Variants in CIT observed in about 807,000 individuals in gnomAD.
CIT encodes citron rho-interacting serine/threonine kinase, also known as citron Rho-interacting kinase.
CIT carries 79 observed loss-of-function variants against 272.7 expected under a neutral mutation model. The observed-to-expected ratio is 0.29, with a 90% confidence interval of 0.24 to 0.35. The LOEUF (loss-of-function observed/expected upper bound fraction) is 0.35. CIT is among the 10% of genes least tolerant of loss of function. The probability of loss-of-function intolerance (pLI) is 1.00; values close to 1 mark genes in which losing one functional copy is unlikely to be tolerated. For synonymous variants in CIT, 948 were observed against 995.6 expected, an observed-to-expected ratio of 0.95 and a Z score of 0.90; for missense variants, 1,909 against 2,618.3, an observed-to-expected ratio of 0.73 and a Z score of 5.91.
chr12:119,711,281 G>A (rs75649867), intron 37 of CIT, among the ~76,000 whole-genome samples: 3,554 of 152,284 alleles, frequency 0.023, 65 homozygotes, highest in African/African-American at 0.047. Flanking sequence ...TTTGGTCTTC[G>A]CTGGAGCAAA....
intron 3 of CIT, among the ~76,000 whole-genome samples, chr12:119,858,761 G>T (rs1021666978): frequency 3.3e-5 from 5 of 151,750 alleles, no homozygotes; most frequent in Non-Finnish European, 5.9e-5. Flanking sequence ...GACAGAGCTT[G>T]CAGTGAGCCG....
chr12:119,712,659 A>T lies in CIT; in HGVS notation c.4616T>A (p.Leu1539His). 1 of 1,614,184 alleles carries T rather than the reference A, an allele frequency of 6.2e-7. No individual in the cohort carries two copies. The highest frequency in any genetic ancestry group is 8.5e-7 in the Non-Finnish European group (1 of 1,180,022). The change falls in exon 36 of 48, where the codon CTT becomes CAT. Residue 1539 changes from leucine to histidine, a missense_variant. By Grantham distance (99) the Leu-to-His change is moderately conservative (BLOSUM62 -3). Around this residue, in one of 8 missense-constraint regions of CIT, gnomAD observed 780 missense variants for 1,067.2 expected, o/e 0.73. Transcript: ENST00000392521. The surrounding 1 kb of genome is among the most constrained non-coding windows in gnomAD (Gnocchi z 5.2). The stretch of plus-strand genomic sequence containing the variant: ...ATGAATAGATACATCCCCGTCGGGA[A>T]GGCACAGCTCAAATTCTTCCACCGG... ...QRPVEEFELC[L>H]PDGDVSIHGA...
intron 5 of CIT, among the ~76,000 whole-genome samples, chr12:119,839,272 G>A (rs1004711962): frequency 9.2e-5 from 14 of 152,194 alleles, no homozygotes; most frequent in African/African-American, 3.4e-4. Flanking sequence ...CCACGTGCAT[G>A]CTTGCATATG....
In CIT at chr12:119,701,875, G is replaced by A. The variant is rs766838097; in HGVS notation, c.5388C>T (p.Ile1796=). The change falls in exon 42 of 48, where the codon ATC becomes ATT. Residue 1796 remains isoleucine (I), a synonymous_variant. Transcript: ENST00000392521. ...CCTCGAGCGTGTACTGCTTCATGTC[G>A]ATTTCGTAGAATTTATTGGTTCCAA... The part of the protein sequence containing the change: ...ILIGTNKFYE[I]DMKQYTLEEF... 22 of 1,614,084 alleles carry A rather than the reference G, an allele frequency of 1.4e-5. No homozygotes were observed. Among genetic ancestry groups the A allele is most frequent in the South Asian group, 5.5e-5 (5 of 91,076 alleles).
At chr12:119,786,601 C>T (rs1964816240) in intron 10 of CIT, among the ~76,000 whole-genome samples, 1 of 152,236 alleles carries the variant, frequency 6.6e-6, no homozygotes, top group Non-Finnish European at 1.5e-5. Context: ...AGCTGGTTGT[C>T]AGTGACCACT....
rs1031366918 is a variant in CIT, at chr12:119,710,953, T to C, written c.4855-333A>G. The C allele has an allele frequency of 4.8e-6, 5 of 1,042,300 alleles. No homozygotes were observed. In the Admixed American group the frequency reaches 7.8e-5, roughly 16 times the overall value. 64.6% of individuals were successfully genotyped at this position (1,042,300 alleles called of 1,614,324 possible). A position where few individuals can be genotyped will look rare whatever the true frequency, so the allele number is the denominator to read the frequency against. On this transcript the variant is annotated intron_variant, in intron 37 of 47. Coordinates refer to ENST00000392521, the MANE Select transcript of CIT (RefSeq NM_001206999.2). The surrounding 1 kb of genome is among the most constrained non-coding windows in gnomAD (Gnocchi z 5.6). ...GGAGATTTCACCTGCGCAGGGTTAA[T>C]AAGACACATGAAAGACTCCTTCCCC...
intron 19 of CIT, among the ~76,000 whole-genome samples, chr12:119,761,936 C>A (rs902982364): frequency 1.3e-5 from 2 of 152,162 alleles, no homozygotes; most frequent in African/African-American, 4.8e-5. Context: ...AAAAAGAAGA[C>A]GACATCAGAA....
rs1950595583 is a variant in CIT, at chr12:119,869,144, A to C, written c.154T>G (p.Leu52Val). Reference protein sequence around the residue: ...QMSPLSREGILDALFVLFEEC... With the variant: ...QMSPLSREGIVDALFVLFEEC... The stretch of plus-strand genomic sequence containing the variant: ...TCAAAGAGAACAAAGAGGGCATCTA[A>C]TATCCCTTCTCGGGAAAGAGGAGAC... The change falls in exon 3 of 48, where the codon TTA (leucine) becomes GTA (valine). Residue 52 changes from leucine to valine, a missense_variant. Around this residue, in one of 8 missense-constraint regions of CIT, gnomAD observed 529 missense variants for 549.6 expected, o/e 0.96. Transcript: ENST00000392521. The C allele has an allele frequency of 6.2e-7, 1 of 1,613,282 alleles. No homozygotes were observed. The highest frequency in any genetic ancestry group is 8.5e-7 in the Non-Finnish European group (1 of 1,179,824).
chr12:119,730,360 G>A, intron 27 of CIT, 135 bp downstream of exon 27: 1 of 1,068,242 alleles, frequency 9.4e-7, no homozygotes, highest in South Asian at 2.1e-5. Context: ...AAAACCATGG[G>A]ACATTTTTGG....
chr12:119,729,177 T>C (rs1285051651), intron 27 of CIT, among the ~76,000 whole-genome samples: 1 of 152,174 alleles, frequency 6.6e-6, no homozygotes. Flanking sequence ...AACAGTCAAC[T>C]AGAAAAAAAT....
intron 5 of CIT, among the ~76,000 whole-genome samples, chr12:119,834,846 A>C (rs960646621): frequency 6.6e-6 from 1 of 152,242 alleles, no homozygotes; most frequent in Non-Finnish European, 1.5e-5. Context: ...AAACATGGAA[A>C]TCATTCAGCT....
At chr12:119,843,150 G>C (rs1969524292) in intron 5 of CIT, among the ~76,000 whole-genome samples, 1 of 152,192 alleles carries the variant, frequency 6.6e-6, no homozygotes, top group South Asian at 2.1e-4. Context: ...AAAAAGGTCA[G>C]AGGCAAGGTC....
intron 3 of CIT, among the ~76,000 whole-genome samples, chr12:119,862,553 G>A (rs2138344927): frequency 6.6e-6 from 1 of 151,770 alleles, no homozygotes; most frequent in Admixed American, 6.6e-5. Flanking sequence ...GGCCACAGTG[G>A]CTCCCGCCTG....
chr12:119,697,638 G>C lies in CIT; in HGVS notation c.5882+21C>G, dbSNP rs1956304048. 1 of 1,611,354 alleles carries C rather than the reference G, an allele frequency of 6.2e-7. No homozygotes were observed. The highest frequency in any genetic ancestry group is 1.3e-5 in the African/African-American group (1 of 74,894). Reference sequence around the variant, plus strand: ...AAAAGCACGTTGCCCCTGGTACTGAGGAAGAGGAGAAGCTGGTTACCTGCG... The same window carrying C: ...AAAAGCACGTTGCCCCTGGTACTGACGAAGAGGAGAAGCTGGTTACCTGCG... On this transcript the variant is annotated intron_variant, in intron 46 of 47. Coordinates refer to ENST00000392521, the MANE Select transcript of CIT (RefSeq NM_001206999.2). This position sits in a 1 kb window ranked among gnomAD's most constrained non-coding sequence, Gnocchi z 4.9.
intron 7 of CIT, among the ~76,000 whole-genome samples, chr12:119,831,666 G>A (rs1188074188): frequency 3.3e-5 from 5 of 152,150 alleles, no homozygotes; most frequent in Non-Finnish European, 5.9e-5. Context: ...TCAGGAGATC[G>A]AGACCATCCT....
intron 9 of CIT, among the ~76,000 whole-genome samples, chr12:119,812,266 G>A (rs1185495364): frequency 6.6e-6 from 1 of 151,980 alleles, no homozygotes; most frequent in Non-Finnish European, 1.5e-5. Flanking sequence ...ACACATTTAA[G>A]TAATAGCAAA....
At chr12:119,688,319 A>G in intron 47 of CIT, 64 bp from the exon 48 acceptor site, 1 of 1,495,596 alleles carries the variant, frequency 6.7e-7, no homozygotes, top group Non-Finnish European at 9.3e-7. Flanking sequence ...CTCACCTTGC[A>G]TGATGCAAAT....
chr12:119,872,809 T>C (rs1950721900), intron 2 of CIT, among the ~76,000 whole-genome samples: 1 of 151,974 alleles, frequency 6.6e-6, no homozygotes, highest in Non-Finnish European at 1.5e-5. Context: ...TTTATGTATT[T>C]ATTTAGAAAC....
chr12:119,772,579 T>C (rs1437089983), intron 17 of CIT, among the ~76,000 whole-genome samples, 191 bp downstream of exon 17: 4 of 152,242 alleles, frequency 2.6e-5, no homozygotes, highest in Admixed American at 1.3e-4. Flanking sequence ...TCTTTCTACT[T>C]GAAGCTGCTA....
Sources: gnomAD v4.1 joint callset for allele counts (sites outside exome capture counted in the v4.1 genomes callset) on GRCh38, gnomAD v4.1.1 for gene constraint, gnomAD v4.1.1 regional missense constraint, Gnocchi (gnomAD v3.1) non-coding constraint, MANE v1.5 for transcripts, NCBI Gene and HGNC (gene_info 2026-07-23, HGNC 2026-07-21) for gene names.